Variants in TG observed in about 807,000 individuals in gnomAD.
The protein encoded by TG is thyroglobulin, also known as thyroid hormones.
In TG, 270 loss-of-function variants were observed where a neutral mutation model predicts 324.7. That is an observed-to-expected ratio of 0.83 (90% confidence interval 0.75 to 0.92). TG has a LOEUF of 0.92. Among genes scored for constraint, TG ranks in the 40% least tolerant of loss-of-function variants. The probability of loss-of-function intolerance (pLI) is 0.00; values close to 1 mark genes in which losing one functional copy is unlikely to be tolerated. For synonymous variants in TG, 1,401 were observed against 1,327.0 expected, an observed-to-expected ratio of 1.06 and a Z score of -1.21; for missense variants, 3,591 against 3,456.4, an observed-to-expected ratio of 1.04 and a Z score of -0.98.
At chr8:132,903,327 C>T (rs182106226) in intron 16 of TG, among the ~76,000 whole-genome samples, 4 of 152,262 alleles carry the variant, frequency 2.6e-5, no homozygotes, top group Admixed American at 2.0e-4. Context: ...CTGACGCCAC[C>T]GGCCTTTGGG....
intron 45 of TG, among the ~76,000 whole-genome samples, chr8:133,125,298 A>G (rs932229313): frequency 2.0e-5 from 3 of 152,236 alleles, no homozygotes; most frequent in African/African-American, 7.2e-5. Context: ...TAACAGTACT[A>G]GGAAGGAGGT....
At position 132,883,024 on chromosome 8, in the gene TG, C is replaced by A. The variant is rs570666373; in HGVS notation, c.1075+25C>A. 3.7e-6 allele frequency: 6 copies of A among 1,609,716 alleles called. No homozygotes were observed. The South Asian group carries it at 4.4e-5, about 12-fold the overall frequency. ...GGTGGGTTTCCTCTGGGGGCTTCCT[C>A]TTTCGGCCTCGGATCATATTACTTT... On this transcript the variant is annotated intron_variant, in intron 8 of 47. Transcript: ENST00000220616.
At chr8:133,028,418 C>T (rs528025006) in intron 40 of TG, among the ~76,000 whole-genome samples, 22 of 152,282 alleles carry the variant, frequency 1.4e-4, no homozygotes, top group African/African-American at 5.3e-4. Context: ...TAATTTGTGT[C>T]GTTATGCACT....
chr8:132,992,577 G>A (rs896674547), intron 35 of TG, among the ~76,000 whole-genome samples: 3 of 152,180 alleles, frequency 2.0e-5, no homozygotes, highest in African/African-American at 7.2e-5. Context: ...CCTCAGATGT[G>A]TCCCACATTG....
chr8:133,038,910 C>T (rs1837602808), intron 41 of TG, among the ~76,000 whole-genome samples: 1 of 152,214 alleles, frequency 6.6e-6, no homozygotes, highest in Non-Finnish European at 1.5e-5. Flanking sequence ...TGGAGTCTCG[C>T]TCTGTTGCCC....
intron 26 of TG, among the ~76,000 whole-genome samples, chr8:132,945,200 G>A (rs1040380504): frequency 6.6e-6 from 1 of 152,162 alleles, no homozygotes; most frequent in Non-Finnish European, 1.5e-5. Context: ...GCAGAGATGA[G>A]TTAGAAACTG....
At chr8:133,038,439 C>T in intron 41 of TG, 1 of 1,081,348 alleles carries the variant, frequency 9.2e-7, no homozygotes, top group South Asian at 1.3e-5. Context: ...TCCCAGGGAT[C>T]AGGGAACCTC....
At chr8:133,020,178 G>C (rs766608688) in intron 39 of TG, among the ~76,000 whole-genome samples, 1 of 152,192 alleles carries the variant, frequency 6.6e-6, no homozygotes, top group Non-Finnish European at 1.5e-5. Flanking sequence ...GCTCATCCCT[G>C]TCGCCGTGTT....
chr8:133,091,960 T>G (rs925946543), intron 41 of TG, among the ~76,000 whole-genome samples: 1 of 152,088 alleles, frequency 6.6e-6, no homozygotes, highest in Non-Finnish European at 1.5e-5. Flanking sequence ...TGGCTGTGTG[T>G]CTGTGCACGT....
intron 10 of TG, among the ~76,000 whole-genome samples, chr8:132,891,864 C>T (rs955701550): frequency 6.6e-6 from 1 of 152,100 alleles, no homozygotes; most frequent in Non-Finnish European, 1.5e-5. Context: ...CAAAAGAATC[C>T]AATGACACCC....
At chr8:133,033,445 G>A (rs1037695410) in intron 41 of TG, among the ~76,000 whole-genome samples, 3 of 152,154 alleles carry the variant, frequency 2.0e-5, no homozygotes, top group East Asian at 3.9e-4. Flanking sequence ...GTCCTCTGTG[G>A]TATGATTCAC....
intron 35 of TG, among the ~76,000 whole-genome samples, chr8:132,991,206 A>G (rs977221059): frequency 1.3e-5 from 2 of 152,164 alleles, no homozygotes; most frequent in East Asian, 1.9e-4. Context: ...ACCACTGCTA[A>G]TGTAGAGCCC....
At chr8:132,871,835 G>A (rs529279255) in intron 4 of TG, among the ~76,000 whole-genome samples, 72 of 152,258 alleles carry the variant, frequency 4.7e-4, no homozygotes, top group African/African-American at 1.7e-3. Context: ...TAACTGTCAC[G>A]TGTATAGTAT....
At chr8:133,047,846 C>A (rs4489310) in intron 41 of TG, 8 of 1,600,024 alleles carry the variant, frequency 5.0e-6, no homozygotes, top group Non-Finnish European at 6.9e-6. Flanking sequence ...TGGTCTCACT[C>A]TCTCTGATCA....
intron 37 of TG, among the ~76,000 whole-genome samples, chr8:133,014,775 G>A (rs964264977): frequency 6.6e-6 from 1 of 152,238 alleles, no homozygotes; most frequent in East Asian, 1.9e-4. Flanking sequence ...CAGACCACAA[G>A]AGTGTCTTCC....
chr8:132,979,714 C>A (rs1830592209), intron 34 of TG, among the ~76,000 whole-genome samples: 1 of 92,108 alleles, frequency 1.1e-5, no homozygotes, highest in Non-Finnish European at 2.4e-5. Flanking sequence ...GGAGTAAGAG[C>A]TATTTTTTAC....
At chr8:132,929,697 A>G (rs1019088721) in intron 23 of TG, among the ~76,000 whole-genome samples, 1 of 152,244 alleles carries the variant, frequency 6.6e-6, no homozygotes, top group Non-Finnish European at 1.5e-5. Context: ...AACCCAAAGT[A>G]ACAACATCAA....
intron 32 of TG, among the ~76,000 whole-genome samples, chr8:132,970,959 G>A (rs879201667): frequency 2.0e-5 from 3 of 152,158 alleles, no homozygotes; most frequent in Non-Finnish European, 4.4e-5. Flanking sequence ...AAGCATCACC[G>A]CTGGGATGTG....
At position 133,096,261 on chromosome 8, in the gene TG, T is replaced by G. The variant is rs1287577483; in HGVS notation, c.7460T>G (p.Phe2487Cys). The G allele has an allele frequency of 5.0e-6, 8 of 1,614,094 alleles. No homozygotes were observed. The highest frequency in any genetic ancestry group is 4.0e-5 in the African/African-American group (3 of 74,922). ...TGGGGTCCTGTGATCGATGGCCACT[T>G]CCTCCGTGAGCCTCCAGCCAGAGCA... ...HYWGPVIDGH[F>C]LREPPARALK... Residue 2487 changes from phenylalanine (F) to cysteine (C), a missense_variant, in exon 43 of 48, where the codon TTC becomes TGC. Physicochemically the swap from Phe to Cys is radical, Grantham distance 205. Transcript: ENST00000220616.
Sources: allele counts gnomAD v4.1 joint callset (sites outside exome capture counted in the v4.1 genomes callset), GRCh38; gene constraint gnomAD v4.1.1; transcripts MANE v1.5; gene names NCBI Gene and HGNC (gene_info 2026-07-23, HGNC 2026-07-21).